Variants in SPRY3 observed in about 807,000 individuals in gnomAD.
The protein encoded by SPRY3 is protein sprouty homolog 3.
In SPRY3, 15 loss-of-function variants were observed where a neutral mutation model predicts 20.2. The ratio of observed to expected loss-of-function variants is 0.74; its 90% CI spans 0.50 to 1.14. The LOEUF (loss-of-function observed/expected upper bound fraction) is 1.14. Ranked by LOEUF, SPRY3 falls within the 50% of genes most tolerant of loss-of-function variation. SPRY3 has a pLI of 0.00. For synonymous variants in SPRY3, 143 were observed against 136.5 expected (o/e 1.05, Z -0.33); for missense variants, 364 against 363.9 (o/e 1.00, Z 0.00).
intron 2 of SPRY3, among the ~76,000 whole-genome samples, chrX:155,717,428 G>C (rs924541259): frequency 2.4e-4 from 37 of 152,092 alleles, no homozygotes; most frequent in Non-Finnish European, 5.0e-4. Flanking sequence ...TGGGATACAC[G>C]TGCAGAACAT....
intron 2 of SPRY3, among the ~76,000 whole-genome samples, chrX:155,685,212 C>G (rs970799505): frequency 9.0e-6 from 1 of 111,229 alleles, no homozygotes; most frequent in South Asian, 3.8e-4. Context: ...TTCTTGGACA[C>G]CAATTTTGTG....
chrX:155,659,799 C>A (rs1383839048), intron 2 of SPRY3, among the ~76,000 whole-genome samples: 3 of 111,519 alleles, frequency 2.7e-5, no homozygotes, highest in African/African-American at 9.8e-5. Context: ...TCTAGGTTTT[C>A]TAGTTTGTAT....
chrX:155,781,076 A>T (rs1225776423), downstream of SPRY3: 1 of 166,524 alleles, frequency 6.0e-6, no homozygotes, highest in East Asian at 1.9e-4. Flanking sequence ...GGGAGGAGAA[A>T]GGGAGACAGC....
chrX:155,713,909 CTT>C (rs1284059220), intron 2 of SPRY3, among the ~76,000 whole-genome samples: 1 of 152,018 alleles, frequency 6.6e-6, no homozygotes, highest in Admixed American at 6.6e-5. Flanking sequence ...TCTCCTCTGA[CTT>C]TGTATTTTCA....
At chrX:155,620,544 A>G (rs1273682438) in intron 1 of SPRY3, among the ~76,000 whole-genome samples, 1 of 112,087 alleles carries the variant, frequency 8.9e-6, no homozygotes, top group Non-Finnish European at 1.9e-5. Flanking sequence ...ATGAACCTCA[A>G]AAACATTATA....
chrX:155,726,517 T>C (rs1326582755), intron 2 of SPRY3, among the ~76,000 whole-genome samples: 1 of 152,168 alleles, frequency 6.6e-6, no homozygotes, highest in Non-Finnish European at 1.5e-5. Flanking sequence ...AATGGGTGCA[T>C]ATATATTTAG....
chrX:155,724,530 C>T (rs746551221), intron 2 of SPRY3, among the ~76,000 whole-genome samples: 2 of 151,872 alleles, frequency 1.3e-5, no homozygotes, highest in African/African-American at 2.4e-5. Flanking sequence ...CCTAGGATTC[C>T]GAAATTCCTA....
chrX:155,773,886 G>T (rs1324142980), exon 4 of SPRY3: 2 of 1,613,690 alleles, frequency 1.2e-6, no homozygotes, highest in South Asian at 1.1e-5. Context: ...ATGCTGCGGT[G>T]ACAGATGATT....
exon 4 of SPRY3, chrX:155,775,147 T>G (rs1227137602): frequency 4.2e-6 from 1 of 237,908 alleles, no homozygotes; most frequent in African/African-American, 2.3e-5. Context: ...AAGATGGTTT[T>G]CACAGGTACA....
At chrX:155,722,560 A>C (rs2091066778) in intron 2 of SPRY3, among the ~76,000 whole-genome samples, 1 of 152,122 alleles carries the variant, frequency 6.6e-6, no homozygotes, top group Admixed American at 6.6e-5. Flanking sequence ...ATTAAATCAT[A>C]TTAACCGAGA....
chrX:155,662,600 C>A (rs2068013175), intron 2 of SPRY3, among the ~76,000 whole-genome samples: 1 of 99,446 alleles, frequency 1.0e-5, no homozygotes, highest in East Asian at 3.3e-4. Flanking sequence ...TACAAGTTGA[C>A]TAGAAATAAG....
chrX:155,767,506 C>G (rs1208793771), intron 2 of SPRY3, among the ~76,000 whole-genome samples: 2 of 150,864 alleles, frequency 1.3e-5, no homozygotes, highest in Non-Finnish European at 2.9e-5. Flanking sequence ...GTTCATCTGT[C>G]AGATTGGAGG....
intron 1 of SPRY3, among the ~76,000 whole-genome samples, chrX:155,628,833 C>A (rs2067896540): frequency 9.0e-6 from 1 of 111,680 alleles, no homozygotes; most frequent in Non-Finnish European, 1.9e-5. Context: ...TAATAGCCAT[C>A]CTAATAGGAA....
chrX:155,760,981 T>G (rs2091301954), intron 2 of SPRY3, among the ~76,000 whole-genome samples: 1 of 152,168 alleles, frequency 6.6e-6, no homozygotes, highest in African/African-American at 2.4e-5. Flanking sequence ...TTGAATGCTT[T>G]TAAACTTCCT....
intron 1 of SPRY3, among the ~76,000 whole-genome samples, chrX:155,616,110 CTCTCTCTCTCTCTCTCTCTCCT>C (rs2067851167): frequency 2.0e-5 from 1 of 50,498 alleles, no homozygotes; most frequent in African/African-American, 4.7e-5. Flanking sequence ...GTCTCTCTCT[CTCTCTCTCTCTCTCTCTCTCCT>C]CTCTCTCTCT....
chrX:155,643,326 A>G (rs963382151), intron 1 of SPRY3, among the ~76,000 whole-genome samples: 3 of 111,019 alleles, frequency 2.7e-5, no homozygotes, highest in Admixed American at 9.6e-5. Flanking sequence ...ATGTTTTTCT[A>G]TCCCTTTATT....
chrX:155,725,733 C>T (rs1391626119), intron 2 of SPRY3, among the ~76,000 whole-genome samples: 5 of 151,938 alleles, frequency 3.3e-5, no homozygotes, highest in South Asian at 2.1e-4. Flanking sequence ...GTCTTGCTAG[C>T]GGTCTGTTGA....
At chrX:155,662,682 C>CAAAAAA (rs34216827) in intron 2 of SPRY3, among the ~76,000 whole-genome samples, 7 of 58,180 alleles carry the variant, frequency 1.2e-4, no homozygotes, top group Admixed American at 4.9e-4. Context: ...TGTAGTTTGG[C>CAAAAAA]AAAAAAAAAA....
At chrX:155,723,189 A>G (rs2091073123) in intron 2 of SPRY3, among the ~76,000 whole-genome samples, 1 of 152,084 alleles carries the variant, frequency 6.6e-6, no homozygotes, top group African/African-American at 2.4e-5. Context: ...TCATTGATGG[A>G]CATTTGGGTT....
Sources: allele counts gnomAD v4.1 joint callset (sites outside exome capture counted in the v4.1 genomes callset), GRCh38; gene constraint gnomAD v4.1.1; transcripts MANE v1.5; gene names NCBI Gene and HGNC (gene_info 2026-07-23, HGNC 2026-07-21).